The following NR3C2 variants were observed in gnomAD, a reference collection of about 807,000 sequenced individuals.
The protein encoded by NR3C2 is nuclear receptor subfamily 3 group C member 2.
In NR3C2, 15 loss-of-function variants were observed where a neutral mutation model predicts 86.4. The observed-to-expected ratio is 0.17, with a 90% confidence interval of 0.12 to 0.27. NR3C2 has a LOEUF of 0.27. Ranked by LOEUF, NR3C2 falls within the 10% of genes least tolerant of loss-of-function variation. The pLI is 1.00. For synonymous variants in NR3C2, 458 were observed against 450.5 expected (o/e 1.02, Z -0.21); for missense variants, 960 against 1,195.6 (o/e 0.80, Z 2.91).
At chr4:148,424,950 G>A (rs1024438775) in intron 2 of NR3C2, among the ~76,000 whole-genome samples, 1 of 152,108 alleles carries the variant, frequency 6.6e-6, no homozygotes, top group South Asian at 2.1e-4. Flanking sequence ...AAGAGTGTAA[G>A]TCATCAATTA....
chr4:148,188,927 G>GTTTTTT (rs770094656), intron 4 of NR3C2, among the ~76,000 whole-genome samples: 1 of 127,308 alleles, frequency 7.9e-6, no homozygotes, highest in African/African-American at 3.0e-5. Context: ...ATTTTGCTGA[G>GTTTTTT]TTTTTTTTTT....
At chr4:148,253,703 C>T (rs1739685929) in intron 3 of NR3C2, among the ~76,000 whole-genome samples, 1 of 152,142 alleles carries the variant, frequency 6.6e-6, no homozygotes, top group Admixed American at 6.5e-5. Flanking sequence ...AAACCTCATC[C>T]AACTCCCCTT....
chr4:148,261,570 A>G (rs956555737), intron 2 of NR3C2, among the ~76,000 whole-genome samples: 1 of 152,230 alleles, frequency 6.6e-6, no homozygotes, highest in Non-Finnish European at 1.5e-5. Flanking sequence ...AAGCATGACT[A>G]GGTGAGAGCC....
chr4:148,205,794 A>G (rs1350570438), intron 3 of NR3C2, among the ~76,000 whole-genome samples: 1 of 152,224 alleles, frequency 6.6e-6, no homozygotes, highest in Non-Finnish European at 1.5e-5. Context: ...TTCACAGAAG[A>G]AATAACAATA....
intron 2 of NR3C2, among the ~76,000 whole-genome samples, chr4:148,300,442 C>T (rs1032787947): frequency 1.3e-5 from 2 of 152,156 alleles, no homozygotes; most frequent in East Asian, 3.9e-4. Context: ...TTCTTAAAGA[C>T]TGCTCAGCTT....
chr4:148,299,377 G>A (rs544305422), intron 2 of NR3C2, among the ~76,000 whole-genome samples: 4 of 152,134 alleles, frequency 2.6e-5, no homozygotes, highest in African/African-American at 7.2e-5. Flanking sequence ...CTGTCGCTCT[G>A]GGGGGTTAGA....
At chr4:148,355,261 C>T (rs1232264543) in intron 2 of NR3C2, among the ~76,000 whole-genome samples, 4 of 151,978 alleles carry the variant, frequency 2.6e-5, no homozygotes, top group Admixed American at 6.6e-5. Context: ...ATTAGAGGCC[C>T]CAAGGAAAAC....
At chr4:148,115,227 A>AC (rs1732222185) in intron 7 of NR3C2, among the ~76,000 whole-genome samples, 2 of 152,236 alleles carry the variant, frequency 1.3e-5, no homozygotes, top group African/African-American at 2.4e-5. Flanking sequence ...ATACTTTGAA[A>AC]TTCAGGACTT....
At chr4:148,369,838 G>C (rs1204990443) in intron 2 of NR3C2, among the ~76,000 whole-genome samples, 1 of 152,174 alleles carries the variant, frequency 6.6e-6, no homozygotes, top group Admixed American at 6.6e-5. Flanking sequence ...TATTGCAAAA[G>C]GCAACAAGAC....
At chr4:148,414,078 T>G (rs1244883992) in intron 2 of NR3C2, among the ~76,000 whole-genome samples, 1 of 152,184 alleles carries the variant, frequency 6.6e-6, no homozygotes, top group African/African-American at 2.4e-5. Context: ...GGGAACCAGA[T>G]AAGCGATAGA....
intron 2 of NR3C2, among the ~76,000 whole-genome samples, chr4:148,271,662 C>G (rs72655260): frequency 6.4e-4 from 98 of 152,228 alleles, no homozygotes; most frequent in African/African-American, 2.3e-3. Context: ...ATCTCTGTCC[C>G]CTTTCCACCT....
In NR3C2 at chr4:148,080,729, A is replaced by G. The variant is rs773069455; in HGVS notation, c.*615T>C. ...CAAGGCATTTAACATCATCTTATCC[A>G]TTCTAATTAAATAAGAAATGGACGC... On this transcript the variant is annotated 3_prime_UTR_variant, in exon 9 of 9. Coordinates refer to ENST00000358102, the MANE Select transcript of NR3C2 (RefSeq NM_000901.5). 7 of 340,302 alleles carry G rather than the reference A, an allele frequency of 2.1e-5. No homozygotes were observed. Among genetic ancestry groups the G allele is most frequent in the Non-Finnish European group, 6.1e-6 (1 of 163,048 alleles). The allele number at this position is 340,302 out of a possible 1,614,324, so 21.1% of individuals were successfully genotyped here.
intron 3 of NR3C2, among the ~76,000 whole-genome samples, chr4:148,214,257 CTATTAA>C (rs1192556239): frequency 6.6e-6 from 1 of 152,162 alleles, no homozygotes; most frequent in Non-Finnish European, 1.5e-5. Flanking sequence ...AATAACTTAG[CTATTAA>C]TATTGATTCT....
chr4:148,327,133 G>T (rs1744010777), intron 2 of NR3C2, among the ~76,000 whole-genome samples: 2 of 151,964 alleles, frequency 1.3e-5, no homozygotes, highest in Admixed American at 6.6e-5. Flanking sequence ...ATGTGAGAGG[G>T]GTTAGGGTAT....
chr4:148,182,825 C>T (rs1458437787), intron 4 of NR3C2, among the ~76,000 whole-genome samples: 1 of 152,106 alleles, frequency 6.6e-6, no homozygotes, highest in Non-Finnish European at 1.5e-5. Context: ...GCTTTTATTA[C>T]TATTATTATT....
intron 2 of NR3C2, among the ~76,000 whole-genome samples, chr4:148,347,889 A>G (rs1321920252): frequency 6.6e-6 from 1 of 152,098 alleles, no homozygotes; most frequent in African/African-American, 2.4e-5. Flanking sequence ...CTTCACACCA[A>G]TTACTTCATT....
At chr4:148,196,125 G>GT (rs1309453515) in intron 3 of NR3C2, among the ~76,000 whole-genome samples, 2 of 152,168 alleles carry the variant, frequency 1.3e-5, no homozygotes, top group African/African-American at 2.4e-5. Context: ...AGTGGCAGTG[G>GT]TGAGATTCTA....
At chr4:148,235,753 GTT>G (rs1738720267) in intron 3 of NR3C2, among the ~76,000 whole-genome samples, 1 of 152,086 alleles carries the variant, frequency 6.6e-6, no homozygotes, top group Admixed American at 6.6e-5. Flanking sequence ...TTTTGTTGTT[GTT>G]GTGAAACAAG....
chr4:148,115,483 TCTTA>T (rs1732232949), intron 7 of NR3C2, among the ~76,000 whole-genome samples: 1 of 152,240 alleles, frequency 6.6e-6, no homozygotes. Context: ...TTGAAACTGC[TCTTA>T]CTTTCACTTC....
Sources: allele counts gnomAD v4.1 joint callset (sites outside exome capture counted in the v4.1 genomes callset), GRCh38; gene constraint gnomAD v4.1.1; transcripts MANE v1.5; gene names NCBI Gene and HGNC (gene_info 2026-07-23, HGNC 2026-07-21).